PCDH9: variants seen among roughly 807,000 people sequenced by gnomAD.
The protein encoded by PCDH9 is protocadherin-9.
Under a neutral mutation model 70.6 loss-of-function variants are expected in PCDH9, and 24 were observed. The observed-to-expected ratio is 0.34, with a 90% CI of 0.25 to 0.48. The LOEUF (loss-of-function observed/expected upper bound fraction) is 0.48, where lower values mean the gene tolerates loss of function less well. Ranked by LOEUF, PCDH9 falls within the 20% of genes least tolerant of loss-of-function variation. The probability of loss-of-function intolerance (pLI) is 0.99; values close to 1 mark genes in which losing one functional copy is unlikely to be tolerated. For missense variants in PCDH9, 1,281 were observed against 1,503.6 expected (o/e 0.85, Z 2.45); for synonymous variants, 562 against 558.5 (o/e 1.01, Z -0.09).
At chr13:67,048,299 C>T (rs1008387689) in intron 2 of PCDH9, among the ~76,000 whole-genome samples, 3 of 152,130 alleles carry the variant, frequency 2.0e-5, no homozygotes, top group African/African-American at 7.2e-5. Context: ...AAATCCATCC[C>T]TCTCCCAAGT....
At chr13:67,172,469 T>C (rs2088315927) in intron 2 of PCDH9, among the ~76,000 whole-genome samples, 1 of 152,142 alleles carries the variant, frequency 6.6e-6, no homozygotes, top group Admixed American at 6.6e-5. Flanking sequence ...AACAGAGAGT[T>C]GGCTTCAAAT....
intron 4 of PCDH9, among the ~76,000 whole-genome samples, chr13:66,373,789 T>G (rs1956701762): frequency 6.6e-6 from 1 of 152,126 alleles, no homozygotes; most frequent in Non-Finnish European, 1.5e-5. Flanking sequence ...TTTTCATAGT[T>G]CCCACTCCGT....
intron 2 of PCDH9, chr13:67,211,044 C>T (rs949817272): frequency 2.6e-5 from 4 of 151,874 alleles, no homozygotes; most frequent in Non-Finnish European, 4.4e-5. Flanking sequence ...TTAATATATC[C>T]TGTTGCTTGG....
chr13:66,855,399 T>A (rs1277525168), intron 3 of PCDH9, among the ~76,000 whole-genome samples: 2 of 152,078 alleles, frequency 1.3e-5, no homozygotes, highest in South Asian at 2.1e-4. Context: ...ATTGTTTCCT[T>A]AATATGTGCT....
At chr13:66,778,137 T>TG (rs2079929970) in intron 3 of PCDH9, among the ~76,000 whole-genome samples, 1 of 56,134 alleles carries the variant, frequency 1.8e-5, no homozygotes, top group Non-Finnish European at 3.3e-5. Context: ...TGTTGTGGGG[T>TG]GGGGGGAGGG....
intron 4 of PCDH9, among the ~76,000 whole-genome samples, chr13:66,374,396 A>T (rs1325319633): frequency 6.6e-6 from 1 of 152,036 alleles, no homozygotes; most frequent in East Asian, 1.9e-4. Context: ...AATTAAAAAG[A>T]TAATACTTTT....
rs187786945 is a variant in PCDH9 at position 66,631,734 on chromosome 13, T to C, written c.3139-323A>G. 4.9e-4 allele frequency among the ~76,000 whole-genome samples: 75 copies of C among 152,266 alleles called. 1 individual carries two copies. The highest frequency in any genetic ancestry group is 1.6e-3 in the African/African-American group (67 of 41,550). ...GACAAAATTACAGAAAAAAATTAAATAAGATGAAATATGCAAATATGCTTT... is the reference window on the plus strand; with the variant it reads ...GACAAAATTACAGAAAAAAATTAAACAAGATGAAATATGCAAATATGCTTT... On this transcript the variant is annotated intron_variant, in intron 3 of 4. Transcript: ENST00000377865.
intron 4 of PCDH9, among the ~76,000 whole-genome samples, chr13:66,406,322 G>A (rs1334392): frequency 0.34 from 51,050 of 151,928 alleles, 9,459 homozygotes; most frequent in East Asian, 0.49. Context: ...GATGAAACAA[G>A]ATAACTATAT....
chr13:66,744,586 G>A (rs1228394105), intron 3 of PCDH9, among the ~76,000 whole-genome samples: 2 of 151,956 alleles, frequency 1.3e-5, no homozygotes, highest in East Asian at 3.9e-4. Flanking sequence ...AAAGTTGTAT[G>A]TCATTTTACT....
chr13:66,342,273 GCTA>G lies in PCDH9; in HGVS notation c.3341-37248_3341-37246del, dbSNP rs758331558. On this transcript the variant is annotated intron_variant, in intron 4 of 4. Coordinates refer to ENST00000377865, the MANE Select transcript of PCDH9 (RefSeq NM_203487.3). The stretch of plus-strand genomic sequence containing the variant: ...TTGCAAAATTTTAAGTGTGAGAATT[GCTA>G]CTATTTCATTTTTAAACATACTCAA... 4.6e-5 allele frequency among the ~76,000 whole-genome samples: 7 copies of G among 152,240 alleles called. No individual in the cohort carries two copies. In the South Asian group the frequency reaches 1.0e-3, roughly 23 times the overall value.
chr13:66,856,820 T>A (rs1186260730), intron 3 of PCDH9, among the ~76,000 whole-genome samples: 2 of 152,100 alleles, frequency 1.3e-5, no homozygotes, highest in Non-Finnish European at 2.9e-5. Context: ...TATACTTATG[T>A]GCTTTCACCA....
At chr13:67,203,310 T>C (rs2089262003) in intron 2 of PCDH9, 2 of 152,114 alleles carry the variant, frequency 1.3e-5, no homozygotes, top group South Asian at 2.1e-4. Flanking sequence ...TTCATTATGG[T>C]TAATAGACTT....
At chr13:67,102,056 G>A (rs1348338591) in intron 2 of PCDH9, among the ~76,000 whole-genome samples, 1 of 151,942 alleles carries the variant, frequency 6.6e-6, no homozygotes, top group African/African-American at 2.4e-5. Context: ...TCATAAGCTG[G>A]CAAAAAGATC....
intron 2 of PCDH9, chr13:67,222,736 T>C (rs2089757739): frequency 6.6e-6 from 1 of 152,110 alleles, no homozygotes; most frequent in African/African-American, 2.4e-5. Context: ...TAGCAAGAAA[T>C]GTTACTCTTT....
intron 4 of PCDH9, among the ~76,000 whole-genome samples, chr13:66,582,736 A>C (rs2076910150): frequency 6.6e-6 from 1 of 152,212 alleles, no homozygotes; most frequent in South Asian, 2.1e-4. Flanking sequence ...TTTATATGAA[A>C]GATATCCTTG....
intron 2 of PCDH9, among the ~76,000 whole-genome samples, chr13:67,097,337 T>G (rs556862562): frequency 1.3e-5 from 2 of 152,292 alleles, no homozygotes; most frequent in African/African-American, 4.8e-5. Flanking sequence ...TGTTAATTTA[T>G]TTTCTCATTT....
chr13:66,457,639 G>A (rs1289968609), intron 4 of PCDH9, among the ~76,000 whole-genome samples: 1 of 151,932 alleles, frequency 6.6e-6, no homozygotes, highest in Non-Finnish European at 1.5e-5. Flanking sequence ...AGAATGTCTG[G>A]AAGTGAGAGC....
chr13:66,969,456 C>T (rs1311019992), intron 2 of PCDH9, among the ~76,000 whole-genome samples: 2 of 152,028 alleles, frequency 1.3e-5, no homozygotes, highest in Non-Finnish European at 2.9e-5. Flanking sequence ...CTAGAGCCTA[C>T]AATTATGTTG....
chr13:66,813,874 A>T (rs1486889863), intron 3 of PCDH9, among the ~76,000 whole-genome samples: 1 of 152,058 alleles, frequency 6.6e-6, no homozygotes, highest in African/African-American at 2.4e-5. Flanking sequence ...TGGTCTAAAT[A>T]AAAAAAATCA....
Sources: gnomAD v4.1 joint callset for allele counts (sites outside exome capture counted in the v4.1 genomes callset) on GRCh38, gnomAD v4.1.1 for gene constraint, MANE v1.5 for transcripts, NCBI Gene and HGNC (gene_info 2026-07-23, HGNC 2026-07-21) for gene names.